IWS1: variants seen among roughly 807,000 people sequenced by gnomAD.
IWS1 encodes protein IWS1 homolog.
IWS1 carries 27 observed loss-of-function variants against 86.7 expected under a neutral mutation model. The ratio of observed to expected loss-of-function variants is 0.31; its 90% CI spans 0.23 to 0.43. The LOEUF (loss-of-function observed/expected upper bound fraction) is 0.43. IWS1 is among the 20% of genes least tolerant of loss of function. The pLI, the probability that IWS1 is intolerant of heterozygous loss-of-function variation, is 1.00. For missense variants in IWS1, 827 were observed against 1,000.8 expected (o/e 0.83, Z 2.34); for synonymous variants, 313 against 335.1 (o/e 0.93, Z 0.72).
chr2:127,508,807 A>G (rs957197485), intron 2 of IWS1, among the ~76,000 whole-genome samples: 4 of 152,198 alleles, frequency 2.6e-5, no homozygotes, highest in Admixed American at 2.6e-4. Context: ...CCAAGGCAAT[A>G]TTAGAAACTG....
At chr2:127,494,245 TAAAAAAAAA>T (rs11327472) in intron 8 of IWS1, among the ~76,000 whole-genome samples, 1 of 94,090 alleles carries the variant, frequency 1.1e-5, no homozygotes, top group South Asian at 4.0e-4. Flanking sequence ...TGTCTCTAAT[TAAAAAAAAA>T]AAAAAAAAAA....
At position 127,505,818 on chromosome 2, in the gene IWS1, T is replaced by A. The variant is rs1691118630; in HGVS notation, c.151-66A>T. ...AAAAAAAACCATTAATAATAAAACA[T>A]TAAATTTTTTCTGTGATTTTTTTAA... is the stretch of plus-strand genomic sequence containing the variant. On this transcript the variant is annotated intron_variant, in intron 2 of 13. Coordinates refer to ENST00000295321, the MANE Select transcript of IWS1 (RefSeq NM_017969.3). This position sits in a 1 kb window ranked among gnomAD's most constrained non-coding sequence, Gnocchi z 5.0. The A allele has an allele frequency of 9.1e-7, 1 of 1,094,532 alleles. No individual in the cohort carries two copies. Among genetic ancestry groups the A allele is most frequent in the Admixed American group, 2.5e-5 (1 of 39,726 alleles). 67.8% of individuals were successfully genotyped at this position (1,094,532 alleles called of 1,614,324 possible).
chr2:127,524,871 GTTTT>G (rs869301828), intron 1 of IWS1, among the ~76,000 whole-genome samples: 1 of 63,264 alleles, frequency 1.6e-5, no homozygotes, highest in African/African-American at 8.7e-5. Flanking sequence ...TCAGGAAAGT[GTTTT>G]TTTGTTTTTG....
At chr2:127,512,303 G>C (rs1199607388) in intron 2 of IWS1, among the ~76,000 whole-genome samples, 2 of 152,122 alleles carry the variant, frequency 1.3e-5, no homozygotes, top group Non-Finnish European at 2.9e-5. Context: ...ACAAAAACTA[G>C]AACTGGCAAC....
At chr2:127,502,708 A>G (rs746445411) in intron 5 of IWS1, 107 bp downstream of exon 5, 1 of 581,348 alleles carries the variant, frequency 1.7e-6, no homozygotes, top group Non-Finnish European at 3.1e-6. Context: ...TGAATACATC[A>G]TAATTGTTTA....
Position 127,494,971 on chromosome 2 carries a change from T to G in IWS1, c.1717-17A>C. The G allele has an allele frequency of 6.7e-7, 1 of 1,502,874 alleles. No homozygotes were observed. Among genetic ancestry groups the G allele is most frequent in the Non-Finnish European group, 9.1e-7 (1 of 1,103,130 alleles). The allele number at this position is 1,502,874 out of a possible 1,614,324, so 93.1% of individuals were successfully genotyped here. On this transcript the variant is annotated splice_polypyrimidine_tract_variant and intron_variant, in intron 7 of 13. Coordinates refer to ENST00000295321, the MANE Select transcript of IWS1 (RefSeq NM_017969.3). ...TCTGTCTTCCTATTCAGAAAAAAAATAAAGATTTTTTTTTAAAACAGTACT... is the reference window on the plus strand; with the variant it reads ...TCTGTCTTCCTATTCAGAAAAAAAAGAAAGATTTTTTTTTAAAACAGTACT...
rs1277823926 is a variant in IWS1 at position 127,503,511 on chromosome 2, A to C, written c.1285T>G (p.Ser429Ala). The part of the protein sequence containing the change: ...DSDSDAVSDK[S>A]GKREKTIASD... ...GCTATGGTCTTCTCTCTTTTGCCTG[A>C]CTTGTCTGATACAGCATCACTGTCA... The change falls in exon 4 of 14, where the codon TCA becomes GCA. Residue 429 changes from serine to alanine, a missense_variant. By Grantham distance (99) the Ser-to-Ala change is moderately conservative. Coordinates refer to ENST00000295321, the MANE Select transcript of IWS1 (RefSeq NM_017969.3). 1 of 1,613,458 alleles carries C rather than the reference A, an allele frequency of 6.2e-7. No homozygotes were observed. The highest frequency in any genetic ancestry group is 1.1e-5 in the South Asian group (1 of 91,020).
Position 127,504,848 on chromosome 2 carries a change from T to C in IWS1, c.1055A>G (p.Asp352Gly). 1 of 1,614,242 alleles carries C rather than the reference T, an allele frequency of 6.2e-7. No individual in the cohort carries two copies. Among genetic ancestry groups the C allele is most frequent in the Non-Finnish European group, 8.5e-7 (1 of 1,180,046 alleles). ...TEMQNDSFHS[D>G]SHMDRKKFHS... ...AAACTTTTTTCTGTCCATATGGCTG[T>C]CTGAATGGAAGGAGTCATTCTGCAT... The change falls in exon 3 of 14, where the codon GAC (aspartate) becomes GGC (glycine). Residue 352 changes from aspartate (D) to glycine (G), a missense_variant. By Grantham distance (94) the Asp-to-Gly change is moderately conservative. This residue lies in a region of IWS1 where 548 missense variants were observed against 560.2 expected (regional missense o/e 0.98). Transcript: ENST00000295321.
chr2:127,493,030 T>C, intron 9 of IWS1: 1 of 271,172 alleles, frequency 3.7e-6, no homozygotes, highest in Non-Finnish European at 6.8e-6. Context: ...ACTTGCCCAC[T>C]ACTGTACTAC....
Position 127,492,010 on chromosome 2 carries a change from C to T in IWS1, c.2008G>A (p.Glu670Lys). 6.2e-7 allele frequency: 1 copy of T among 1,613,812 alleles called. No homozygotes were observed. The highest frequency in any genetic ancestry group is 8.5e-7 in the Non-Finnish European group (1 of 1,179,736). Residue 670 changes from glutamate to lysine, a missense_variant, in exon 10 of 14, where the codon GAG becomes AAG. Physicochemically the swap from Glu to Lys is moderately conservative, Grantham distance 56. This residue lies in a region of IWS1 where 279 missense variants were observed against 440.6 expected (regional missense o/e 0.63). Transcript: ENST00000295321. The stretch of plus-strand genomic sequence containing the variant: ...GCCATGTCCTTGTTAGACCTTGACT[C>T]CTTGGGGTGTTTATAGAGATACATC... The part of the protein sequence containing the change: ...AVMYLYKHPK[E>K]SRSNKDMAGK...
At chr2:127,502,594 G>T (rs918720808) in intron 5 of IWS1, 10 of 350,818 alleles carry the variant, frequency 2.9e-5, no homozygotes, top group Admixed American at 9.4e-5. Flanking sequence ...TTGTCTCAAA[G>T]TGTCCCTTCC....
At chr2:127,484,096 G>A (rs1689801612) in intron 13 of IWS1, among the ~76,000 whole-genome samples, 1 of 152,150 alleles carries the variant, frequency 6.6e-6, no homozygotes. Flanking sequence ...TAGAGGTCAG[G>A]AGATCAAGAC....
At chr2:127,527,134 A>C (rs544001443), upstream of IWS1, among the ~76,000 whole-genome samples, 17 of 152,150 alleles carry the variant, frequency 1.1e-4, no homozygotes, top group East Asian at 3.1e-3. Flanking sequence ...AAACCCCCTC[A>C]TCTATTTGTG....
chr2:127,495,748 T>C (rs1690478774), intron 7 of IWS1, among the ~76,000 whole-genome samples: 1 of 152,226 alleles, frequency 6.6e-6, no homozygotes, highest in Non-Finnish European at 1.5e-5. Flanking sequence ...AACAAAACCA[T>C]TTCCCATGAA....
At chr2:127,490,384 C>T (rs1411480175) in intron 10 of IWS1, among the ~76,000 whole-genome samples, 3 of 152,156 alleles carry the variant, frequency 2.0e-5, no homozygotes, top group Non-Finnish European at 1.5e-5. Context: ...ATGGTCTGTA[C>T]CTTTAAAAAT....
intron 1 of IWS1, among the ~76,000 whole-genome samples, 170 bp downstream of exon 1, chr2:127,526,005 T>G (rs1692387192): frequency 6.6e-6 from 1 of 152,232 alleles, no homozygotes; most frequent in Non-Finnish European, 1.5e-5. Flanking sequence ...CTCTCCAACG[T>G]TCTAGCTTCG....
chr2:127,493,447 T>C (rs1690339835), intron 8 of IWS1, 37 bp from the exon 9 acceptor site: 5 of 1,568,252 alleles, frequency 3.2e-6, no homozygotes, highest in Admixed American at 1.9e-5. Flanking sequence ...TCTGTGAACC[T>C]TGGTTCTACT....
chr2:127,503,582 GA>G lies in IWS1; in HGVS notation c.1220-7del. On this transcript the variant is annotated splice_region_variant and splice_polypyrimidine_tract_variant and intron_variant, in intron 3 of 13. Transcript: ENST00000295321. ...AACACGACTCTTCTTTGCTGCTGTT[GA>G]AAAAGAAAATCATCATTAATTTTAT... is the stretch of plus-strand genomic sequence containing the variant. 6.4e-7 allele frequency: 1 copy of G among 1,553,454 alleles called. No individual in the cohort carries two copies. The highest frequency in any genetic ancestry group is 1.3e-5 in the South Asian group (1 of 79,290).
chr2:127,517,948 T>A (rs940455540), intron 2 of IWS1, among the ~76,000 whole-genome samples: 4 of 152,184 alleles, frequency 2.6e-5, no homozygotes, highest in Non-Finnish European at 5.9e-5. Context: ...TTATGCTAAG[T>A]GAAATAAGTC....
Sources: allele counts gnomAD v4.1 joint callset (sites outside exome capture counted in the v4.1 genomes callset), GRCh38; gene constraint gnomAD v4.1.1; regional missense constraint gnomAD v4.1.1; non-coding constraint Gnocchi (gnomAD v3.1); transcripts MANE v1.5; gene names NCBI Gene and HGNC (gene_info 2026-07-23, HGNC 2026-07-21).